DIP2A: variants seen among roughly 807,000 people sequenced by gnomAD.
The protein encoded by DIP2A is DIP2 acetate--CoA ligase A, also known as disco-interacting protein 2 homolog A.
Under a neutral mutation model 177.4 loss-of-function variants are expected in DIP2A, and 85 were observed. The ratio of observed to expected loss-of-function variants is 0.48; its 90% CI spans 0.40 to 0.57. The LOEUF is 0.57. Among genes scored for constraint, DIP2A ranks in the 20% least tolerant of loss-of-function variants. DIP2A has a pLI of 0.00. For missense variants in DIP2A, 1,791 were observed against 2,100.2 expected, an observed-to-expected ratio of 0.85 and a Z score of 2.88; for synonymous variants, 886 against 881.8, an observed-to-expected ratio of 1.00 and a Z score of -0.08.
Position 46,557,560 on chromosome 21 carries a change from G to T in DIP2A, c.3630-25G>T. On this transcript the variant is annotated intron_variant, in intron 30 of 37. Coordinates refer to ENST00000417564, the MANE Select transcript of DIP2A (RefSeq NM_015151.4). This position sits in a 1 kb window ranked among gnomAD's most constrained non-coding sequence, Gnocchi z 6.0. ...CCAGGGTGCTGGGTGGGCGGGCGGAGCCTCACGAGCCTTCCCTCTCGCAGT... is the reference window on the plus strand; with the variant it reads ...CCAGGGTGCTGGGTGGGCGGGCGGATCCTCACGAGCCTTCCCTCTCGCAGT... 1 of 1,591,588 alleles carries T rather than the reference G, an allele frequency of 6.3e-7. No individual in the cohort carries two copies.
intron 16 of DIP2A, chr21:46,539,622 T>C (rs2059722509): frequency 2.0e-6 from 1 of 497,494 alleles, no homozygotes; most frequent in African/African-American, 1.9e-5. Context: ...ATGCAGCACC[T>C]TCCTGTCCCT....
At chr21:46,494,652 G>A (rs1350409195) in intron 3 of DIP2A, among the ~76,000 whole-genome samples, 3 of 152,188 alleles carry the variant, frequency 2.0e-5, no homozygotes, top group African/African-American at 7.2e-5. Context: ...CTAGTTTTCA[G>A]AACAATAGGT....
At chr21:46,461,828 G>A (rs901090392) in intron 1 of DIP2A, among the ~76,000 whole-genome samples, 2 of 152,006 alleles carry the variant, frequency 1.3e-5, no homozygotes, top group Admixed American at 1.3e-4. Flanking sequence ...GGGAGGCCCA[G>A]GCAGGAGGAT....
chr21:46,558,759 ACT>A (rs1190610173), intron 32 of DIP2A: 1 of 261,680 alleles, frequency 3.8e-6, no homozygotes, highest in African/African-American at 2.3e-5. Flanking sequence ...ATTTGTGTTG[ACT>A]CAAATTCATT....
At chr21:46,555,420 G>A in intron 28 of DIP2A, 1 of 206,368 alleles carries the variant, frequency 4.8e-6, no homozygotes, top group Non-Finnish European at 1.0e-5. Context: ...GGCCAGGGCA[G>A]CTGGTGTAGG....
rs185338521 is a variant in DIP2A, at chr21:46,510,934, A to G, written c.905-483A>G. Among the ~76,000 whole-genome samples, 5 of 151,794 alleles carry G rather than the reference A, an allele frequency of 3.3e-5. No individual in the cohort carries two copies. In the East Asian group the frequency reaches 7.7e-4, roughly 23 times the overall value. On this transcript the variant is annotated intron_variant, in intron 7 of 37. Transcript: ENST00000417564. ...AGGCATGAGCCACCACGCCCAGCCT[A>G]TAATCAAATAATCTTTTAATTCTTT...
chr21:46,523,130 G>C (rs917052664), intron 8 of DIP2A, among the ~76,000 whole-genome samples: 7 of 152,030 alleles, frequency 4.6e-5, no homozygotes, highest in Admixed American at 3.9e-4. Flanking sequence ...TCTCCATGTT[G>C]ATCAGGCTGG....
rs766607302 is a variant in DIP2A, at chr21:46,561,753, G to A, written c.4037G>A (p.Arg1346His). The A allele has an allele frequency of 3.7e-6, 6 of 1,613,938 alleles. No individual in the cohort carries two copies. Among genetic ancestry groups the A allele is most frequent in the Admixed American group, 3.3e-5 (2 of 60,030 alleles). Residue 1346 changes from arginine to histidine, a missense_variant, in exon 34 of 38, where the codon CGT (arginine) becomes CAT (histidine). Physicochemically the swap from Arg to His is conservative, Grantham distance 29. Coordinates refer to ENST00000417564, the MANE Select transcript of DIP2A (RefSeq NM_015151.4). The stretch of plus-strand genomic sequence containing the variant: ...ATTGTTCCCTTAATTTTTAGGGTTC[G>A]TTTGGTAGAACGGGGTTCTCCGCAC... ...DMRALRHDRV[R>H]LVERGSPHSL... is the part of the protein sequence containing the mutation.
At chr21:46,473,367 G>A (rs2055564536) in intron 1 of DIP2A, among the ~76,000 whole-genome samples, 1 of 151,240 alleles carries the variant, frequency 6.6e-6, no homozygotes, top group African/African-American at 2.4e-5. Flanking sequence ...ATAGGCCGAT[G>A]TGGGAGGATT....
At chr21:46,496,415 G>A (rs2057365634) in intron 3 of DIP2A, among the ~76,000 whole-genome samples, 1 of 152,174 alleles carries the variant, frequency 6.6e-6, no homozygotes, top group South Asian at 2.1e-4. Context: ...TCTGGAAGTA[G>A]AGGTTGACCA....
chr21:46,576,365 A>C, the DIP2A span, among the ~76,000 whole-genome samples: 1 of 152,164 alleles, frequency 6.6e-6, no homozygotes, highest in Admixed American at 6.5e-5. Flanking sequence ...ATAAGTGAGA[A>C]CATGTGGTGT....
chr21:46,560,651 A>G, intron 32 of DIP2A, 71 bp from the exon 33 acceptor site: 1 of 1,547,052 alleles, frequency 6.5e-7, no homozygotes, highest in Admixed American at 2.0e-5. Flanking sequence ...GCTGCCATGC[A>G]GCTGTACCTG....
At chr21:46,574,062 T>C (rs562051380), downstream of DIP2A, among the ~76,000 whole-genome samples, 1 of 152,312 alleles carries the variant, frequency 6.6e-6, no homozygotes, top group East Asian at 1.9e-4. Flanking sequence ...CACATTCTTC[T>C]CAAGTTCACA....
At chr21:46,490,572 A>G (rs778213639) in intron 2 of DIP2A, 28 bp from the exon 3 acceptor site, 24 of 1,540,200 alleles carry the variant, frequency 1.6e-5, no homozygotes, top group Non-Finnish European at 2.1e-5. Flanking sequence ...TTGTTCACAT[A>G]AGGTATTCCC....
In DIP2A at chr21:46,568,026, A is replaced by G. The variant is rs760667507; in HGVS notation, c.*404A>G. On this transcript the variant is annotated 3_prime_UTR_variant, in exon 38 of 38. Transcript: ENST00000417564. ...TTCCCACTTCAAATGACAAGTTCAT[A>G]TATAGAATTTACGGGAGAAACTTGA... 6.2e-6 allele frequency: 1 copy of G among 160,678 alleles called. No homozygotes were observed. The highest frequency in any genetic ancestry group is 2.4e-5 in the African/African-American group (1 of 41,776). 10.0% of individuals were successfully genotyped at this position (160,678 alleles called of 1,614,324 possible).
At chr21:46,571,964 C>T (rs1403721358), downstream of DIP2A, among the ~76,000 whole-genome samples, 1 of 152,158 alleles carries the variant, frequency 6.6e-6, no homozygotes, top group Non-Finnish European at 1.5e-5. Context: ...GAAAGAGCAT[C>T]CTTGTCTTGT....
intron 8 of DIP2A, among the ~76,000 whole-genome samples, chr21:46,515,170 C>T (rs573040633): frequency 5.3e-5 from 8 of 152,208 alleles, no homozygotes; most frequent in Non-Finnish European, 1.0e-4. Context: ...GTTAAACCAG[C>T]GTTCAAATCT....
intron 17 of DIP2A, 144 bp from the exon 18 acceptor site, chr21:46,541,612 G>A: frequency 2.2e-6 from 2 of 911,092 alleles, no homozygotes; most frequent in South Asian, 1.6e-5. Flanking sequence ...AGACATTGCA[G>A]CATCTTTAGA....
intron 22 of DIP2A, 73 bp downstream of exon 22, chr21:46,549,958 A>C (rs749127765): frequency 4.4e-6 from 7 of 1,593,768 alleles, no homozygotes; most frequent in Middle Eastern, 1.7e-4. Flanking sequence ...CCAAGTGCCA[A>C]GTGGTTGGCT....
Sources: gnomAD v4.1 joint callset for allele counts (sites outside exome capture counted in the v4.1 genomes callset) on GRCh38, gnomAD v4.1.1 for gene constraint, Gnocchi (gnomAD v3.1) non-coding constraint, MANE v1.5 for transcripts, NCBI Gene and HGNC (gene_info 2026-07-23, HGNC 2026-07-21) for gene names.